KLHL8: variants seen among roughly 807,000 people sequenced by gnomAD.
KLHL8 encodes kelch like family member 8.
KLHL8 carries 38 observed loss-of-function variants against 63.5 expected under a neutral mutation model. The observed-to-expected ratio is 0.60, with a 90% CI of 0.46 to 0.78. The LOEUF is 0.78. Ranked by LOEUF, KLHL8 falls within the 30% of genes least tolerant of loss-of-function variation. The probability of loss-of-function intolerance (pLI) is 0.00; values close to 1 mark genes in which losing one functional copy is unlikely to be tolerated. For missense variants in KLHL8, 566 were observed against 752.4 expected (o/e 0.75, Z 2.90); for synonymous variants, 224 against 254.3 (o/e 0.88, Z 1.13).
intron 1 of KLHL8, among the ~76,000 whole-genome samples, chr4:87,214,211 CTTTT>C (rs11336481): frequency 7.1e-6 from 1 of 141,748 alleles, no homozygotes; most frequent in South Asian, 2.2e-4. Flanking sequence ...CCTAAGTCAT[CTTTT>C]TTTTTTTAAT....
chr4:87,165,009 C>T (rs1730332280), intron 8 of KLHL8, among the ~76,000 whole-genome samples: 1 of 151,900 alleles, frequency 6.6e-6, no homozygotes, highest in Non-Finnish European at 1.5e-5. Flanking sequence ...ATTAGCTGGG[C>T]ATGGTGGCGG....
intron 4 of KLHL8, among the ~76,000 whole-genome samples, chr4:87,181,414 A>G (rs1441977132): frequency 6.6e-6 from 1 of 152,214 alleles, no homozygotes; most frequent in Non-Finnish European, 1.5e-5. Flanking sequence ...TCAAAAAAAA[A>G]GAAATCTGTT....
chr4:87,181,593 G>T (rs1376730614), intron 4 of KLHL8, among the ~76,000 whole-genome samples: 1 of 135,976 alleles, frequency 7.4e-6, no homozygotes, highest in Non-Finnish European at 1.6e-5. Flanking sequence ...CGTATGGAAG[G>T]AAAAAAAAAA....
intron 1 of KLHL8, among the ~76,000 whole-genome samples, chr4:87,237,841 C>T (rs1158304394): frequency 6.6e-6 from 1 of 151,990 alleles, no homozygotes; most frequent in African/African-American, 2.4e-5. Flanking sequence ...AATAATAATA[C>T]AGATTTGACA....
In KLHL8 at chr4:87,163,553, C is replaced by T. The variant is rs764921285; in HGVS notation, c.1829G>A (p.Gly610Asp). The change falls in exon 10 of 10, where the codon GGT becomes GAT. Residue 610 changes from glycine to aspartate, a missense_variant. Transcript: ENST00000273963. ...SCLTSQIRDVGHGSNNVVDCM is the reference protein window; with the variant it reads ...SCLTSQIRDVDHGSNNVVDCM The stretch of plus-strand genomic sequence containing the variant: ...GTCAACCACATTATTGGATCCATGA[C>T]CTACATCTCGAATTTGGCTAGTTAA... The T allele has an allele frequency of 1.2e-6, 2 of 1,614,126 alleles. No homozygotes were observed. Among genetic ancestry groups the T allele is most frequent in the South Asian group, 2.2e-5 (2 of 91,080 alleles).
At chr4:87,219,740 G>C (rs62308865) in intron 1 of KLHL8, 6,234 of 152,584 alleles carry the variant, frequency 0.041, 185 homozygotes, top group South Asian at 0.058. Flanking sequence ...CAACTCCACC[G>C]GGCGGCTGAG....
chr4:87,210,481 A>G (rs2110043863), intron 1 of KLHL8, among the ~76,000 whole-genome samples: 1 of 151,682 alleles, frequency 6.6e-6, no homozygotes, highest in African/African-American at 2.4e-5. Flanking sequence ...ACTCCATCTC[A>G]ATAATAATAA....
At chr4:87,229,721 T>A (rs1055106555) in intron 1 of KLHL8, among the ~76,000 whole-genome samples, 1 of 151,634 alleles carries the variant, frequency 6.6e-6, no homozygotes, top group African/African-American at 2.4e-5. Flanking sequence ...CGTGAGCCAC[T>A]GCACCTGGCC....
intron 1 of KLHL8, among the ~76,000 whole-genome samples, chr4:87,229,032 G>C (rs1236378416): frequency 6.6e-6 from 1 of 152,160 alleles, no homozygotes; most frequent in Admixed American, 6.5e-5. Flanking sequence ...AATTATAATT[G>C]CATTTCTTTT....
chr4:87,218,841 T>C (rs191109564), intron 1 of KLHL8, among the ~76,000 whole-genome samples: 1 of 152,152 alleles, frequency 6.6e-6, no homozygotes, highest in African/African-American at 2.4e-5. Flanking sequence ...TTCAAGCCAT[T>C]CTCCTGTCTT....
intron 1 of KLHL8, among the ~76,000 whole-genome samples, chr4:87,235,611 G>A (rs2110073172): frequency 6.6e-6 from 1 of 152,252 alleles, no homozygotes; most frequent in South Asian, 2.1e-4. Flanking sequence ...GGGGGGCAGG[G>A]TGGAGAAAAA....
At chr4:87,205,104 T>C (rs956383831) in intron 1 of KLHL8, among the ~76,000 whole-genome samples, 5 of 152,124 alleles carry the variant, frequency 3.3e-5, no homozygotes, top group African/African-American at 9.7e-5. Flanking sequence ...AATCAGCCCA[T>C]AAAAATAAAA....
Position 87,234,300 on chromosome 4 carries a change from G to A in KLHL8, n.57+5958C>T, listed in dbSNP as rs534941860. On this transcript the variant is annotated intron_variant and non_coding_transcript_variant, in intron 1 of 1. Transcript: ENST00000506274. ...TAAAAAATACAAAAATTAGCTGGGCGTGGTGGTGCACACCTGTAGTCCCAG... is the reference window on the plus strand; with the variant it reads ...TAAAAAATACAAAAATTAGCTGGGCATGGTGGTGCACACCTGTAGTCCCAG... Among the ~76,000 whole-genome samples the A allele has an allele frequency of 2.0e-5, 3 of 152,232 alleles. No individual in the cohort carries two copies. The South Asian group carries it at 6.2e-4, about 32-fold the overall frequency.
chr4:87,223,489 C>T (rs947250649), upstream of KLHL8, among the ~76,000 whole-genome samples: 2 of 152,046 alleles, frequency 1.3e-5, no homozygotes, highest in African/African-American at 2.4e-5. Flanking sequence ...CTGGGAAATA[C>T]GCAGTAGACA....
At chr4:87,180,184 G>A (rs1417758257) in intron 4 of KLHL8, among the ~76,000 whole-genome samples, 1 of 152,086 alleles carries the variant, frequency 6.6e-6, no homozygotes, top group Non-Finnish European at 1.5e-5. Context: ...AGCACTTTTG[G>A]TAATTAGCAT....
intron 8 of KLHL8, chr4:87,167,010 G>A (rs1246318921): frequency 5.0e-6 from 1 of 200,398 alleles, no homozygotes; most frequent in Non-Finnish European, 1.0e-5. Flanking sequence ...TTGCTGCTGG[G>A]CAGTTGGTCA....
In KLHL8 at chr4:87,226,743, AT is replaced by A. The variant is rs1733000233; in HGVS notation, n.58-5354del. The stretch of plus-strand genomic sequence containing the variant: ...TTTATATATAATATATATTATTTAT[AT>A]ATAATATATATTATTTATATATAAT... On this transcript the variant is annotated intron_variant and non_coding_transcript_variant, in intron 1 of 1. Coordinates refer to the KLHL8 transcript ENST00000506274. Among the ~76,000 whole-genome samples, 2 of 24,436 alleles carry A rather than the reference AT, an allele frequency of 8.2e-5. 1 individual carries two copies. Among genetic ancestry groups the A allele is most frequent in the African/African-American group, 4.6e-4 (2 of 4,324 alleles). 16.0% of individuals were successfully genotyped at this position (24,436 alleles called of 152,430 possible).
At position 87,160,693 on chromosome 4, in the gene KLHL8, G is replaced by T. The variant is rs533069567; in HGVS notation, c.*2826C>A. 1 of 152,310 alleles carries T rather than the reference G, an allele frequency of 6.6e-6. No homozygotes were observed. The highest frequency in any genetic ancestry group is 2.4e-5 in the African/African-American group (1 of 41,572). The allele number at this position is 152,310 out of a possible 1,614,324, so 9.4% of individuals were successfully genotyped here. A position where few individuals can be genotyped will look rare whatever the true frequency, so the allele number is the denominator to read the frequency against. ...GTTTTTAAAGTGGCAACGCAATATA[G>T]TAAAGCAATGGCTTTAATGACTAAA... is the stretch of plus-strand genomic sequence containing the variant. On this transcript the variant is annotated 3_prime_UTR_variant, in exon 10 of 10. Transcript: ENST00000273963.
intron 1 of KLHL8, among the ~76,000 whole-genome samples, chr4:87,212,970 G>A (rs1732464986): frequency 6.6e-6 from 1 of 152,178 alleles, no homozygotes; most frequent in Non-Finnish European, 1.5e-5. Flanking sequence ...ATCCTTAAAT[G>A]ACACACGCAA....
Sources: gnomAD v4.1 joint callset for allele counts (sites outside exome capture counted in the v4.1 genomes callset) on GRCh38, gnomAD v4.1.1 for gene constraint, MANE v1.5 for transcripts, NCBI Gene and HGNC (gene_info 2026-07-23, HGNC 2026-07-21) for gene names.